Variants in MID1 observed in about 807,000 individuals in gnomAD.
MID1 encodes the protein E3 ubiquitin-protein ligase Midline-1.
Under a neutral mutation model 40.4 loss-of-function variants are expected in MID1, and 7 were observed. The ratio of observed to expected loss-of-function variants is 0.17; its 90% confidence interval spans 0.10 to 0.33. The LOEUF (loss-of-function observed/expected upper bound fraction) is 0.33. Among genes scored for constraint, MID1 ranks in the 10% least tolerant of loss-of-function variants. The pLI, the probability that MID1 is intolerant of heterozygous loss-of-function variation, is 1.00. For missense variants in MID1, 367 were observed against 558.5 expected (o/e 0.66, Z 3.46); for synonymous variants, 229 against 221.2 (o/e 1.04, Z -0.31).
chrX:10,522,407 C>T (rs1377636789), intron 3 of MID1, among the ~76,000 whole-genome samples: 2 of 112,462 alleles, frequency 1.8e-5, no homozygotes, highest in Non-Finnish European at 3.8e-5. Context: ...TGATTTCAGA[C>T]TTCTAGTCTC....
intron 1 of MID1, among the ~76,000 whole-genome samples, chrX:10,673,825 G>C (rs1440164807): frequency 9.0e-6 from 1 of 111,076 alleles, no homozygotes; most frequent in Non-Finnish European, 1.9e-5. Flanking sequence ...CTTTAAAATG[G>C]GCCCAATAAT....
intron 1 of MID1, among the ~76,000 whole-genome samples, chrX:10,829,136 T>A (rs1389363177): frequency 1.8e-5 from 2 of 112,185 alleles, no homozygotes; most frequent in Non-Finnish European, 3.8e-5. Context: ...CCCAAGGCAA[T>A]ACATGATGAG....
intron 2 of MID1, among the ~76,000 whole-genome samples, chrX:10,554,462 C>T (rs1396287991): frequency 1.8e-5 from 2 of 112,034 alleles, no homozygotes; most frequent in African/African-American, 6.5e-5. Flanking sequence ...ATGGAAGCAG[C>T]CCTATGGCCT....
At chrX:10,648,671 TTA>T (rs1224865608) in intron 1 of MID1, among the ~76,000 whole-genome samples, 2 of 111,794 alleles carry the variant, frequency 1.8e-5, no homozygotes, top group Non-Finnish European at 3.8e-5. Context: ...AGAGACAATG[TTA>T]TATGTCCAGT....
intron 1 of MID1, among the ~76,000 whole-genome samples, chrX:10,601,888 TG>T: frequency 9.4e-6 from 1 of 106,022 alleles, no homozygotes; most frequent in African/African-American, 3.6e-5. Context: ...TTTTTGTTTT[TG>T]TTTTTGTTTT....
chrX:10,477,864 C>T (rs1385908099), intron 5 of MID1, among the ~76,000 whole-genome samples: 3 of 112,698 alleles, frequency 2.7e-5, no homozygotes, highest in South Asian at 7.4e-4. Context: ...GCCTTGAAAA[C>T]GTGCAGTTAT....
intron 8 of MID1, among the ~76,000 whole-genome samples, chrX:10,457,766 C>T (rs1380016694): frequency 8.9e-6 from 1 of 112,540 alleles, no homozygotes; most frequent in East Asian, 2.8e-4. Flanking sequence ...TCCTGGCTCA[C>T]CTATCCTCCC....
At chrX:10,596,402 G>A (rs1935412569) in intron 1 of MID1, among the ~76,000 whole-genome samples, 1 of 111,875 alleles carries the variant, frequency 8.9e-6, no homozygotes, top group Admixed American at 9.5e-5. Context: ...CACAGTTAGC[G>A]AGTTCATAGG....
intron 1 of MID1, among the ~76,000 whole-genome samples, chrX:10,721,416 C>G (rs2043353731): frequency 9.1e-6 from 1 of 110,090 alleles, no homozygotes; most frequent in Admixed American, 9.7e-5. Flanking sequence ...ACCAAAGAAG[C>G]TGAGGAATAA....
At chrX:10,661,514 C>T (rs1224729466) in intron 1 of MID1, among the ~76,000 whole-genome samples, 3 of 109,661 alleles carry the variant, frequency 2.7e-5, no homozygotes, top group Non-Finnish European at 5.7e-5. Flanking sequence ...GGGTTTCCAC[C>T]GTGTTAGCCA....
At chrX:10,704,572 T>C (rs2043213070) in intron 1 of MID1, among the ~76,000 whole-genome samples, 1 of 108,539 alleles carries the variant, frequency 9.2e-6, no homozygotes, top group African/African-American at 3.4e-5. Flanking sequence ...GTATATCATG[T>C]GAAATAACAG....
intron 3 of MID1, among the ~76,000 whole-genome samples, chrX:10,511,537 C>G (rs948868265): frequency 9.0e-6 from 1 of 111,175 alleles, no homozygotes; most frequent in Admixed American, 9.6e-5. Context: ...GCAAGAACCT[C>G]CACTCACAGT....
chrX:10,469,556 C>A, intron 7 of MID1, 141 bp downstream of exon 7: 1 of 1,204,755 alleles, frequency 8.3e-7, no homozygotes, highest in East Asian at 3.0e-5. Flanking sequence ...AGTGCTATCA[C>A]TTTTTTGTTC....
chrX:10,465,242 C>T (rs1929312940), intron 7 of MID1, among the ~76,000 whole-genome samples: 2 of 97,809 alleles, frequency 2.0e-5, no homozygotes, highest in Non-Finnish European at 4.1e-5. Flanking sequence ...CACACACACA[C>T]ACACACACAC....
At chrX:10,606,732 G>GTTTTA (rs1380493614) in intron 1 of MID1, among the ~76,000 whole-genome samples, 1 of 107,039 alleles carries the variant, frequency 9.3e-6, no homozygotes, top group African/African-American at 3.7e-5. Context: ...TTCAATTTGT[G>GTTTTA]TTTTATTTTA....
intron 1 of MID1, among the ~76,000 whole-genome samples, chrX:10,666,886 G>A (rs1438835801): frequency 8.9e-6 from 1 of 111,819 alleles, no homozygotes; most frequent in Non-Finnish European, 1.9e-5. Context: ...TGCAATATGG[G>A]GGATTTCATT....
intron 2 of MID1, 57 bp downstream of exon 2, chrX:10,566,831 T>C (rs1001500567): frequency 1.7e-6 from 2 of 1,155,361 alleles, no homozygotes; most frequent in African/African-American, 3.6e-5. Flanking sequence ...AATACACTTT[T>C]TATTTCCATG....
At chrX:10,828,336 G>A (rs1459096310) in intron 1 of MID1, among the ~76,000 whole-genome samples, 1 of 111,403 alleles carries the variant, frequency 9.0e-6, no homozygotes, top group East Asian at 2.8e-4. Context: ...TTCTGCTGGG[G>A]TAGGGTGTTG....
At position 10,501,615 on chromosome X, in the gene MID1, A is replaced by G. The variant is rs1178991797; in HGVS notation, c.757-5924T>C. 57 of 1,010,983 alleles carry G rather than the reference A, an allele frequency of 5.6e-5. No homozygotes were observed. In the East Asian group the frequency reaches 1.7e-3, roughly 30 times the overall value. The allele number at this position is 1,010,983 out of a possible 1,213,427, so 83.3% of individuals were successfully genotyped here. ...ATGATGTGAATGTAGAAGCACAACA[A>G]TCATATCTGGCCTGCCTAGTCCTGA... On this transcript the variant is annotated intron_variant, in intron 3 of 9. Coordinates refer to ENST00000317552, the MANE Select transcript of MID1 (RefSeq NM_000381.4).
Sources: allele counts gnomAD v4.1 joint callset (sites outside exome capture counted in the v4.1 genomes callset), GRCh38; gene constraint gnomAD v4.1.1; transcripts MANE v1.5; gene names NCBI Gene and HGNC (gene_info 2026-07-23, HGNC 2026-07-21).